The following PARVB variants were observed in gnomAD, a reference collection of about 807,000 sequenced individuals.
PARVB encodes the protein parvin beta.
A neutral mutation model predicts 47.0 loss-of-function variants in PARVB; 46 were observed. The ratio of observed to expected loss-of-function variants is 0.98; its 90% CI spans 0.77 to 1.25. The LOEUF (loss-of-function observed/expected upper bound fraction) is 1.25, where lower values mean the gene tolerates loss of function less well. Among genes scored for constraint, PARVB ranks in the 50% most tolerant of loss-of-function variants. The pLI is 0.00. For missense variants in PARVB, 473 were observed against 471.6 expected (o/e 1.00, Z -0.03); for synonymous variants, 196 against 196.3 (o/e 1.00, Z 0.01).
intron 8 of PARVB, chr22:44,147,543 A>G (rs2053711714): frequency 2.2e-6 from 1 of 449,828 alleles, no homozygotes; most frequent in Non-Finnish European, 4.3e-6. Context: ...CTCAAGTCCT[A>G]GGACGTGGCA....
chr22:44,147,695 A>G, intron 8 of PARVB, 166 bp from the exon 9 acceptor site: 1 of 766,454 alleles, frequency 1.3e-6, no homozygotes, highest in South Asian at 1.4e-5. Context: ...GGGACTGATC[A>G]TCAGGGTCAG....
intron 12 of PARVB, among the ~76,000 whole-genome samples, chr22:44,165,530 G>C (rs2054148315): frequency 6.6e-6 from 1 of 152,356 alleles, no homozygotes; most frequent in Non-Finnish European, 1.5e-5. Context: ...ATGAGGGAGT[G>C]GCTAGAGGCC....
Position 44,125,267 on chromosome 22 carries a change from G to T in PARVB, c.376+6127G>T, listed in dbSNP as rs2053162515. Among the ~76,000 whole-genome samples, 1 of 151,236 alleles carries T rather than the reference G, an allele frequency of 6.6e-6. No homozygotes were observed. The highest frequency in any genetic ancestry group is 2.0e-4 in the East Asian group (1 of 5,078). ...TTCATTGGCTTACATGTGTCGGGTG[G>T]CTCTTGGCTGTAGAGACACAGTGGG... On this transcript the variant is annotated intron_variant, in intron 4 of 12. Coordinates refer to ENST00000338758, the MANE Select transcript of PARVB (RefSeq NM_013327.5). The surrounding 1 kb of genome is among the most constrained non-coding windows in gnomAD (Gnocchi z 4.1).
chr22:44,102,877 C>CCCCA (rs1216152897), intron 3 of PARVB: 3 of 152,464 alleles, frequency 2.0e-5, no homozygotes, highest in African/African-American at 7.2e-5. Flanking sequence ...TTAAGTAACT[C>CCCCA]CCCACCCCCA....
intron 1 of PARVB, among the ~76,000 whole-genome samples, chr22:44,043,639 A>G (rs1247052998): frequency 1.3e-5 from 2 of 152,162 alleles, no homozygotes; most frequent in African/African-American, 4.8e-5. Flanking sequence ...AGCCTCCCAA[A>G]GTGCTGGGAT....
At chr22:44,132,353 G>A (rs769013312) in intron 5 of PARVB, among the ~76,000 whole-genome samples, 12 of 152,200 alleles carry the variant, frequency 7.9e-5, no homozygotes, top group Non-Finnish European at 1.5e-4. Context: ...GTAAAACCCT[G>A]CAGGAGAAGT....
intron 10 of PARVB, chr22:44,152,063 C>A (rs934759307): frequency 6.4e-6 from 1 of 157,090 alleles, no homozygotes; most frequent in African/African-American, 2.4e-5. Flanking sequence ...TTCATCCCAA[C>A]CTGACTGCAT....
chr22:44,059,649 C>G (rs2051383671), intron 1 of PARVB, among the ~76,000 whole-genome samples: 1 of 152,182 alleles, frequency 6.6e-6, no homozygotes, highest in Non-Finnish European at 1.5e-5. Flanking sequence ...AGAAGAGATG[C>G]CTGTTGCCAC....
chr22:44,152,410 C>A (rs2053830455), intron 10 of PARVB: 1 of 152,172 alleles, frequency 6.6e-6, no homozygotes, highest in Admixed American at 6.5e-5. Flanking sequence ...AGCCTCCCAA[C>A]CACTGTATCT....
chr22:44,087,078 G>C (rs2052040980), intron 1 of PARVB: 1 of 152,384 alleles, frequency 6.6e-6, no homozygotes. Context: ...ACTAGAAGTG[G>C]GTAGGATTTG....
At chr22:44,166,106 G>T (rs1425589314) in intron 12 of PARVB, among the ~76,000 whole-genome samples, 2 of 152,070 alleles carry the variant, frequency 1.3e-5, no homozygotes, top group Non-Finnish European at 2.9e-5. Context: ...TTGTCCTCCC[G>T]AACCCACGAC....
chr22:44,081,774 C>T (rs2051906984), intron 1 of PARVB, among the ~76,000 whole-genome samples: 2 of 152,106 alleles, frequency 1.3e-5, no homozygotes, highest in Non-Finnish European at 2.9e-5. Flanking sequence ...GTGACACACG[C>T]CAGGGGAAAG....
chr22:44,094,759 G>A (rs2052258933), intron 2 of PARVB, among the ~76,000 whole-genome samples: 1 of 151,752 alleles, frequency 6.6e-6, no homozygotes, highest in African/African-American at 2.4e-5. Flanking sequence ...CCAAAGTGCA[G>A]GGACTACAGA....
chr22:44,049,491 A>G lies in PARVB; in HGVS notation c.112+25040A>G, dbSNP rs2051170124. 2.0e-5 allele frequency among the ~76,000 whole-genome samples: 3 copies of G among 152,254 alleles called. No individual in the cohort carries two copies. The South Asian group carries it at 6.2e-4, about 31-fold the overall frequency. ...CTCCACTCTTTTTCACGGGCATAAAAATATCTGCGGAGTGAAAATGTGTGC... is the reference window on the plus strand; with the variant it reads ...CTCCACTCTTTTTCACGGGCATAAAGATATCTGCGGAGTGAAAATGTGTGC... On this transcript the variant is annotated intron_variant, in intron 1 of 12. Coordinates refer to ENST00000338758, the MANE Select transcript of PARVB (RefSeq NM_013327.5). The surrounding 1 kb of genome is among the most constrained non-coding windows in gnomAD (Gnocchi z 4.0).
chr22:44,043,194 A>G (rs760942749), intron 1 of PARVB, among the ~76,000 whole-genome samples: 1 of 152,200 alleles, frequency 6.6e-6, no homozygotes. Context: ...AATATCTAGA[A>G]TAGGCAAATT....
chr22:44,004,347 G>A (rs563584141), intron 2 of PARVB, among the ~76,000 whole-genome samples: 3 of 152,236 alleles, frequency 2.0e-5, no homozygotes, highest in African/African-American at 7.2e-5. Context: ...TAACCTAACA[G>A]TAGTAGTAAT....
chr22:44,025,228 A>G (rs1372907329), intron 1 of PARVB, among the ~76,000 whole-genome samples: 1 of 152,080 alleles, frequency 6.6e-6, no homozygotes. Flanking sequence ...GGCCGGCCTC[A>G]GGTGGGTCCC....
At chr22:44,010,851 C>T (rs1313543386) in intron 2 of PARVB, among the ~76,000 whole-genome samples, 2 of 144,572 alleles carry the variant, frequency 1.4e-5, no homozygotes, top group African/African-American at 2.6e-5. Flanking sequence ...TTTCTGTGTT[C>T]TTAAAAAAAA....
intron 3 of PARVB, chr22:44,102,986 G>A (rs183857233): frequency 6.6e-6 from 1 of 152,642 alleles, no homozygotes; most frequent in Non-Finnish European, 1.5e-5. Flanking sequence ...CCTGTGCTGG[G>A]CCCTGGGATT....
Sources: gnomAD v4.1 joint callset for allele counts (sites outside exome capture counted in the v4.1 genomes callset) on GRCh38, gnomAD v4.1.1 for gene constraint, Gnocchi (gnomAD v3.1) non-coding constraint, MANE v1.5 for transcripts, NCBI Gene and HGNC (gene_info 2026-07-23, HGNC 2026-07-21) for gene names.